The following XPNPEP1 variants were observed in gnomAD, a reference collection of about 807,000 sequenced individuals.
XPNPEP1 encodes xaa-Pro aminopeptidase 1.
A neutral mutation model predicts 92.4 loss-of-function variants in XPNPEP1; 39 were observed. The ratio of observed to expected loss-of-function variants is 0.42; its 90% CI spans 0.33 to 0.55. The LOEUF (loss-of-function observed/expected upper bound fraction) is 0.55, where lower values mean the gene tolerates loss of function less well. Among genes scored for constraint, XPNPEP1 ranks in the 20% least tolerant of loss-of-function variants. The pLI, the probability that XPNPEP1 is intolerant of heterozygous loss-of-function variation, is 0.08. For missense variants in XPNPEP1, 654 were observed against 856.1 expected (o/e 0.76, Z 2.95); for synonymous variants, 307 against 299.4 (o/e 1.03, Z -0.26).
At chr10:109,902,615 G>A (rs1360845602) in intron 3 of XPNPEP1, among the ~76,000 whole-genome samples, 1 of 152,182 alleles carries the variant, frequency 6.6e-6, no homozygotes, top group Non-Finnish European at 1.5e-5. Context: ...TACAGCAATA[G>A]AAATGACAGT....
chr10:109,870,966 A>T, intron 17 of XPNPEP1, 62 bp from the exon 18 acceptor site: 8 of 1,550,680 alleles, frequency 5.2e-6, no homozygotes, highest in Non-Finnish European at 7.0e-6. Flanking sequence ...TAAATTTATT[A>T]TGTGTGGCTC....
At chr10:109,893,290 G>T in intron 3 of XPNPEP1, 1 of 453,830 alleles carries the variant, frequency 2.2e-6, no homozygotes, top group African/African-American at 2.0e-5. Flanking sequence ...GTTCCCTTTA[G>T]CCTCTATTTC....
At chr10:109,916,746 A>T (rs1442349849) in intron 1 of XPNPEP1, among the ~76,000 whole-genome samples, 1 of 152,184 alleles carries the variant, frequency 6.6e-6, no homozygotes, top group Non-Finnish European at 1.5e-5. Flanking sequence ...ATACCAGCAA[A>T]CGGAATCTAG....
At chr10:109,892,616 A>T (rs1194566335) in intron 4 of XPNPEP1, 1 of 175,828 alleles carries the variant, frequency 5.7e-6, no homozygotes, top group Non-Finnish European at 1.2e-5. Context: ...AGCACTTGGG[A>T]GAATTATCTG....
intron 12 of XPNPEP1, among the ~76,000 whole-genome samples, chr10:109,878,677 C>G (rs1474665596): frequency 6.6e-6 from 1 of 151,824 alleles, no homozygotes. Flanking sequence ...CGCTTGAGCC[C>G]AGGAGTTTCA....
chr10:109,880,134 T>C, intron 12 of XPNPEP1, 54 bp downstream of exon 12: 2 of 1,551,964 alleles, frequency 1.3e-6, no homozygotes, highest in East Asian at 2.2e-5. Flanking sequence ...GAATCACATA[T>C]AGGTAGGTCT....
At chr10:109,921,670 C>T (rs570123679) in intron 1 of XPNPEP1, among the ~76,000 whole-genome samples, 1 of 152,326 alleles carries the variant, frequency 6.6e-6, no homozygotes, top group East Asian at 1.9e-4. Context: ...TTTGTCTACC[C>T]AGAATCCATC....
intron 2 of XPNPEP1, among the ~76,000 whole-genome samples, chr10:109,913,660 C>G (rs1272181451): frequency 2.0e-5 from 3 of 152,160 alleles, no homozygotes; most frequent in African/African-American, 7.2e-5. Flanking sequence ...AACCGGGACT[C>G]AAGGTCTATG....
At chr10:109,873,239 C>T in intron 16 of XPNPEP1, 128 bp downstream of exon 16, 3 of 1,071,974 alleles carry the variant, frequency 2.8e-6, no homozygotes, top group Non-Finnish European at 4.2e-6. Flanking sequence ...AAGCCTGACT[C>T]CACAGCAAGG....
intron 7 of XPNPEP1, 66 bp from the exon 8 acceptor site, chr10:109,886,407 G>T: frequency 6.9e-7 from 1 of 1,439,824 alleles, no homozygotes; most frequent in Non-Finnish European, 9.7e-7. Flanking sequence ...CCCAGTGAAA[G>T]AACCTACCCT....
intron 6 of XPNPEP1, 83 bp from the exon 7 acceptor site, chr10:109,888,275 C>A: frequency 2.6e-6 from 4 of 1,529,046 alleles, no homozygotes; most frequent in Non-Finnish European, 3.5e-6. Flanking sequence ...AGTCCAGAAC[C>A]TTCAGAAAGG....
At position 109,888,121 on chromosome 10, in the gene XPNPEP1, C is replaced by T. The variant is rs1438998555; in HGVS notation, c.580G>A (p.Val194Ile). ...GGACGGTCTGTCCAGATTTTGTCAA[C>T]GAGGTTCTCCTTGACAGGAATGAGG... ...HHLIPVKENL[V>I]DKIWTDRPER... The change falls in exon 7 of 21, where the codon GTT becomes ATT. Residue 194 changes from valine to isoleucine, a missense_variant. By Grantham distance (29) the Val-to-Ile change is conservative. Coordinates refer to ENST00000502935, the MANE Select transcript of XPNPEP1 (RefSeq NM_020383.4). 1.3e-5 allele frequency: 21 copies of T among 1,613,896 alleles called. No homozygotes were observed. Among genetic ancestry groups the T allele is most frequent in the Middle Eastern group, 1.7e-4 (1 of 6,054 alleles).
In XPNPEP1 at chr10:109,888,588, C is replaced by G. The variant is rs138153964; in HGVS notation, c.423G>C (p.Lys141Asn). The change falls in exon 6 of 21, where the codon AAG becomes AAC. Residue 141 changes from lysine (K) to asparagine (N), a missense_variant. By Grantham distance (94) the Lys-to-Asn change is moderately conservative. Transcript: ENST00000502935. ...GCCAGTCTTCCTGAGTTGGTGTGTC[C>G]TTCAGACCTACAGGGGGAAGAAATG... ...SNWTLMKMGL[K>N]DTPTQEDWLV... 1.9e-5 allele frequency: 31 copies of G among 1,603,984 alleles called. 1 individual carries two copies. The Middle Eastern group carries it at 8.3e-4, about 43-fold the overall frequency.
At chr10:109,880,968 G>A (rs777890803) in intron 10 of XPNPEP1, 37 bp from the exon 11 acceptor site, 41 of 1,589,046 alleles carry the variant, frequency 2.6e-5, no homozygotes, top group East Asian at 9.0e-5. Flanking sequence ...AAATCAAACC[G>A]GCTCCACCCA....
intron 2 of XPNPEP1, among the ~76,000 whole-genome samples, chr10:109,912,822 G>A (rs917811534): frequency 6.6e-6 from 1 of 152,228 alleles, no homozygotes; most frequent in Non-Finnish European, 1.5e-5. Flanking sequence ...TGTCATCTCT[G>A]TATCCATGTA....
At chr10:109,901,898 G>C (rs1849306436) in intron 3 of XPNPEP1, among the ~76,000 whole-genome samples, 1 of 152,166 alleles carries the variant, frequency 6.6e-6, no homozygotes, top group African/African-American at 2.4e-5. Flanking sequence ...GCATAAAAAG[G>C]AATGTAAAGT....
At chr10:109,919,884 T>C (rs1850436011) in intron 1 of XPNPEP1, among the ~76,000 whole-genome samples, 2 of 151,988 alleles carry the variant, frequency 1.3e-5, no homozygotes, top group Non-Finnish European at 2.9e-5. Context: ...ATACAAAAAT[T>C]AGCTGGGTGT....
At chr10:109,877,689 A>G (rs1301438184) in intron 14 of XPNPEP1, 101 bp downstream of exon 14, 2 of 1,336,530 alleles carry the variant, frequency 1.5e-6, no homozygotes, top group African/African-American at 1.4e-5. Flanking sequence ...AGACAGATGA[A>G]GGTGGGCACA....
chr10:109,867,935 T>C lies in XPNPEP1; in HGVS notation c.1872+679A>G, dbSNP rs1044200733. Among the ~76,000 whole-genome samples, 1 of 152,212 alleles carries C rather than the reference T, an allele frequency of 6.6e-6. No individual in the cohort carries two copies. The highest frequency in any genetic ancestry group is 6.5e-5 in the Admixed American group (1 of 15,278). The stretch of plus-strand genomic sequence containing the variant: ...CTTGTTTCTGCTCTGACCTTGAACA[T>C]CTGTGTGATTCTTCAGGCCTTTCTC... On this transcript the variant is annotated intron_variant, in intron 20 of 20. Transcript: ENST00000502935. The surrounding 1 kb of genome is among the most constrained non-coding windows in gnomAD (Gnocchi z 4.5).
Sources: allele counts gnomAD v4.1 joint callset (sites outside exome capture counted in the v4.1 genomes callset), GRCh38; gene constraint gnomAD v4.1.1; non-coding constraint Gnocchi (gnomAD v3.1); transcripts MANE v1.5; gene names NCBI Gene and HGNC (gene_info 2026-07-23, HGNC 2026-07-21).